The following GTF2IRD1 variants were observed in gnomAD, a reference collection of about 807,000 sequenced individuals.
The protein encoded by GTF2IRD1 is general transcription factor II-I repeat domain-containing protein 1.
GTF2IRD1 carries 26 observed loss-of-function variants against 113.2 expected under a neutral mutation model. The observed-to-expected ratio is 0.23, with a 90% CI of 0.17 to 0.32. The LOEUF is 0.32. Ranked by LOEUF, GTF2IRD1 falls within the 10% of genes least tolerant of loss-of-function variation. The probability of loss-of-function intolerance (pLI) is 1.00; values close to 1 mark genes in which losing one functional copy is unlikely to be tolerated. For missense variants in GTF2IRD1, 864 were observed against 1,280.8 expected, an observed-to-expected ratio of 0.67 and a Z score of 4.97; for synonymous variants, 484 against 529.1, an observed-to-expected ratio of 0.91 and a Z score of 1.17.
intron 1 of GTF2IRD1, among the ~76,000 whole-genome samples, chr7:74,468,682 GT>G (rs1707989826): frequency 2.9e-5 from 2 of 69,360 alleles, no homozygotes; most frequent in Non-Finnish European, 7.7e-5. Flanking sequence ...AAAACTGTGT[GT>G]GTGTGTGTGT....
At position 74,519,656 on chromosome 7, in the gene GTF2IRD1, G is replaced by T. The variant is rs868957167; in HGVS notation, c.853G>T (p.Gly285Cys). The change falls in exon 6 of 27, where the codon GGC becomes TGC. Residue 285 changes from glycine (G) to cysteine (C), a missense_variant. By Grantham distance (159) the Gly-to-Cys change is radical. Coordinates refer to ENST00000424337, the MANE Select transcript of GTF2IRD1 (RefSeq NM_005685.4). The stretch of plus-strand genomic sequence containing the variant: ...CTGCCCCCTTGCCCCCAGCGACCTG[G>T]GCCTGAGTCGGCCCATGCCAGAGCC... ...PSCPLAPSDL[G>C]LSRPMPEPKA... 1.2e-6 allele frequency: 2 copies of T among 1,608,010 alleles called. No homozygotes were observed. The highest frequency in any genetic ancestry group is 1.7e-6 in the Non-Finnish European group (2 of 1,177,658).
intron 1 of GTF2IRD1, among the ~76,000 whole-genome samples, chr7:74,469,267 A>C (rs554698206): frequency 2.0e-5 from 3 of 151,158 alleles, no homozygotes; most frequent in Admixed American, 6.6e-5. Flanking sequence ...ACCATGTTGG[A>C]TTTTCTTTTT....
chr7:74,456,147 T>C (rs1315019456), intron 1 of GTF2IRD1, among the ~76,000 whole-genome samples: 1 of 152,146 alleles, frequency 6.6e-6, no homozygotes, highest in Non-Finnish European at 1.5e-5. Context: ...ATAGTCTGAG[T>C]GGCAGCTGTA....
At chr7:74,495,031 G>A (rs1795576176) in intron 1 of GTF2IRD1, among the ~76,000 whole-genome samples, 1 of 152,230 alleles carries the variant, frequency 6.6e-6, no homozygotes, top group South Asian at 2.1e-4. Flanking sequence ...CTGGATTACA[G>A]GCATGAGCCA....
intron 1 of GTF2IRD1, among the ~76,000 whole-genome samples, chr7:74,496,572 G>GT: frequency 8.6e-6 from 1 of 116,146 alleles, no homozygotes; most frequent in Non-Finnish European, 1.8e-5. Flanking sequence ...GTACATGTGT[G>GT]GGTGTGCATG....
chr7:74,573,040 A>G (rs1800785260), intron 22 of GTF2IRD1, among the ~76,000 whole-genome samples: 2 of 152,052 alleles, frequency 1.3e-5, no homozygotes, highest in Non-Finnish European at 2.9e-5. Context: ...AGCTGGGGTC[A>G]TTGCAACACC....
chr7:74,572,622 C>T, intron 22 of GTF2IRD1: 1 of 909,558 alleles, frequency 1.1e-6, no homozygotes, highest in Non-Finnish European at 1.3e-6. Context: ...TTCCTTGTCG[C>T]CAATCACACA....
At chr7:74,478,803 T>C (rs544028985) in intron 1 of GTF2IRD1, among the ~76,000 whole-genome samples, 1 of 151,564 alleles carries the variant, frequency 6.6e-6, no homozygotes, top group Admixed American at 6.6e-5. Flanking sequence ...TGGAGTGCAG[T>C]AGCGTGATCA....
chr7:74,569,591 A>C (rs1210896247), intron 22 of GTF2IRD1, among the ~76,000 whole-genome samples: 10 of 152,180 alleles, frequency 6.6e-5, no homozygotes, highest in African/African-American at 2.4e-4. Flanking sequence ...CATTGTAATG[A>C]TACGATCAGA....
intron 2 of GTF2IRD1, 30 bp downstream of exon 2, chr7:74,508,233 G>C (rs1008117816): frequency 1.9e-6 from 3 of 1,601,190 alleles, no homozygotes; most frequent in East Asian, 4.5e-5. Context: ...CAAGAGGAGG[G>C]GACAGGGTGA....
At chr7:74,559,177 G>T (rs1379443798) in intron 21 of GTF2IRD1, 133 bp downstream of exon 21, 2 of 805,446 alleles carry the variant, frequency 2.5e-6, no homozygotes, top group Non-Finnish European at 3.9e-6. Flanking sequence ...ACCATCCTGG[G>T]TCCTGGGGGT....
chr7:74,519,547 C>T lies in GTF2IRD1; in HGVS notation c.744C>T (p.Ala248=). The part of the protein sequence containing the change: ...KVPPQDLPPT[A]TSSSMASFLY... ...CACCCCAGGACCTGCCCCCAACCGC[C>T]ACCTCCTCCTCCATGGCCAGCTTCC... Residue 248 remains alanine (A), a synonymous_variant, in exon 6 of 27, where the codon GCC becomes GCT. Transcript: ENST00000424337. The T allele has an allele frequency of 6.2e-7, 1 of 1,612,238 alleles. No individual in the cohort carries two copies. The highest frequency in any genetic ancestry group is 8.5e-7 in the Non-Finnish European group (1 of 1,179,456).
At chr7:74,531,095 G>A (rs1554348773) in intron 9 of GTF2IRD1, among the ~76,000 whole-genome samples, 1 of 151,298 alleles carries the variant, frequency 6.6e-6, no homozygotes. Context: ...GCCAGGCATG[G>A]TGGCCTGGAT....
intron 2 of GTF2IRD1, among the ~76,000 whole-genome samples, chr7:74,509,041 A>C (rs570156256): frequency 6.6e-6 from 1 of 151,954 alleles, no homozygotes; most frequent in Non-Finnish European, 1.5e-5. Flanking sequence ...CCTGGGGGGA[A>C]GTTCTGTGAT....
At position 74,519,526 on chromosome 7, in the gene GTF2IRD1, C is replaced by G; in HGVS notation, c.723C>G (p.Pro241=). The change falls in exon 6 of 27, where the codon CCC becomes CCG. Residue 241 remains proline (P), a synonymous_variant. Transcript: ENST00000424337. ...ATGGCCAGGCCCCCAAGGTGCCACCCCAGGACCTGCCCCCAACCGCCACCT... is the reference window on the plus strand; with the variant it reads ...ATGGCCAGGCCCCCAAGGTGCCACCGCAGGACCTGCCCCCAACCGCCACCT... ...GLHGQAPKVP[P]QDLPPTATSS... is the part of the protein sequence containing the mutation. 1 of 1,612,072 alleles carries G rather than the reference C, an allele frequency of 6.2e-7. No individual in the cohort carries two copies. The highest frequency in any genetic ancestry group is 8.5e-7 in the Non-Finnish European group (1 of 1,179,282).
chr7:74,521,370 A>G, intron 7 of GTF2IRD1, 73 bp downstream of exon 7: 1 of 888,490 alleles, frequency 1.1e-6, no homozygotes, highest in South Asian at 1.3e-5. Context: ...ATTGAAATGG[A>G]AGTGTATCTC....
chr7:74,559,141 C>G, intron 21 of GTF2IRD1, 97 bp downstream of exon 21: 1 of 1,158,196 alleles, frequency 8.6e-7, no homozygotes. Flanking sequence ...CCTGCCCTCC[C>G]CCCTGGACAA....
In GTF2IRD1 at chr7:74,512,225, G is replaced by A. The variant is rs538781209; in HGVS notation, c.124-605G>A. The stretch of plus-strand genomic sequence containing the variant: ...AAATTAGCAAGGCGTGGTGGCGGGC[G>A]CCTGTAGTCCCAGCTACTCGGGAGG... On this transcript the variant is annotated intron_variant, in intron 2 of 26. Coordinates refer to ENST00000424337, the MANE Select transcript of GTF2IRD1 (RefSeq NM_005685.4). This position sits in a 1 kb window ranked among gnomAD's most constrained non-coding sequence, Gnocchi z 4.4. 6.6e-6 allele frequency among the ~76,000 whole-genome samples: 1 copy of A among 152,260 alleles called. No homozygotes were observed. The highest frequency in any genetic ancestry group is 2.1e-4 in the South Asian group (1 of 4,816).
At chr7:74,538,630 C>A in intron 12 of GTF2IRD1, 50 bp from the exon 13 acceptor site, 1 of 1,017,880 alleles carries the variant, frequency 9.8e-7, no homozygotes, top group South Asian at 1.3e-5. Flanking sequence ...TCACTCTGCC[C>A]AGTCGGGATC....
Sources: gnomAD v4.1 joint callset for allele counts (sites outside exome capture counted in the v4.1 genomes callset) on GRCh38, gnomAD v4.1.1 for gene constraint, Gnocchi (gnomAD v3.1) non-coding constraint, MANE v1.5 for transcripts, NCBI Gene and HGNC (gene_info 2026-07-23, HGNC 2026-07-21) for gene names.